The following LCLAT1 variants were observed in gnomAD, a reference collection of about 807,000 sequenced individuals.
LCLAT1 encodes lysocardiolipin acyltransferase 1, also known as 1-AGP acyltransferase 8.
In LCLAT1, 11 loss-of-function variants were observed where a neutral mutation model predicts 30.7. The observed-to-expected ratio is 0.36, with a 90% CI of 0.23 to 0.59. The LOEUF is 0.59. Among genes scored for constraint, LCLAT1 ranks in the 20% least tolerant of loss-of-function variants. The probability of loss-of-function intolerance (pLI) is 0.77; values close to 1 mark genes in which losing one functional copy is unlikely to be tolerated. For synonymous variants in LCLAT1, 155 were observed against 151.3 expected (o/e 1.02, Z -0.18); for missense variants, 402 against 458.6 (o/e 0.88, Z 1.13).
At chr2:30,556,037 G>T (rs1211647559) in intron 3 of LCLAT1, among the ~76,000 whole-genome samples, 1 of 151,636 alleles carries the variant, frequency 6.6e-6, no homozygotes, top group African/African-American at 2.4e-5. Flanking sequence ...CTTGTGATCC[G>T]CCCACCTCGG....
At chr2:30,635,745 C>T (rs1487062211) in intron 5 of LCLAT1, among the ~76,000 whole-genome samples, 1 of 152,172 alleles carries the variant, frequency 6.6e-6, no homozygotes, top group Non-Finnish European at 1.5e-5. Flanking sequence ...ACATCCAAAA[C>T]TTACTATGTG....
chr2:30,579,119 A>T (rs915976885), intron 5 of LCLAT1, among the ~76,000 whole-genome samples: 5 of 152,120 alleles, frequency 3.3e-5, no homozygotes, highest in African/African-American at 7.2e-5. Context: ...CCATTCTTAT[A>T]TGCCTAGATT....
At chr2:30,528,244 G>A (rs1685818668) in intron 2 of LCLAT1, among the ~76,000 whole-genome samples, 1 of 152,182 alleles carries the variant, frequency 6.6e-6, no homozygotes, top group African/African-American at 2.4e-5. Context: ...GCAGCCATGT[G>A]CACAGTTAAA....
At chr2:30,482,678 T>C (rs1295110277) in intron 1 of LCLAT1, among the ~76,000 whole-genome samples, 8 of 151,996 alleles carry the variant, frequency 5.3e-5, no homozygotes, top group Admixed American at 4.6e-4. Context: ...GTCTGCCAAT[T>C]TAGGCCCAGT....
intron 1 of LCLAT1, among the ~76,000 whole-genome samples, chr2:30,510,971 TAA>T (rs1684912254): frequency 6.6e-6 from 1 of 152,206 alleles, no homozygotes; most frequent in Non-Finnish European, 1.5e-5. Context: ...TTGAAAATGT[TAA>T]AGATAGTTTT....
intron 1 of LCLAT1, among the ~76,000 whole-genome samples, chr2:30,478,703 G>A (rs573486313): frequency 6.7e-6 from 1 of 150,122 alleles, no homozygotes; most frequent in Non-Finnish European, 1.5e-5. Flanking sequence ...AGGTAGGTAG[G>A]TAGGTAGGTA....
intron 1 of LCLAT1, among the ~76,000 whole-genome samples, chr2:30,466,214 T>A (rs1166427395): frequency 1.4e-5 from 2 of 145,670 alleles, no homozygotes; most frequent in African/African-American, 5.0e-5. Flanking sequence ...TCCGCTGTTT[T>A]TTCTGTGTTT....
At chr2:30,458,349 A>G (rs943656435) in intron 1 of LCLAT1, among the ~76,000 whole-genome samples, 20 of 152,216 alleles carry the variant, frequency 1.3e-4, no homozygotes, top group African/African-American at 4.6e-4. Context: ...TTTTTGCTTT[A>G]AAACAATTTG....
At chr2:30,474,664 T>A (rs919313403) in intron 1 of LCLAT1, among the ~76,000 whole-genome samples, 11 of 151,800 alleles carry the variant, frequency 7.2e-5, no homozygotes, top group Non-Finnish European at 1.3e-4. Flanking sequence ...TTTTTTTTTT[T>A]TCTAAATAGG....
chr2:30,598,998 GAGAT>G (rs139302197), intron 5 of LCLAT1, among the ~76,000 whole-genome samples: 18,987 of 146,516 alleles, frequency 0.13, 1,322 homozygotes, highest in South Asian at 0.23. Context: ...TTTTTTGTTT[GAGAT>G]AGATAGAGTC....
intron 4 of LCLAT1, among the ~76,000 whole-genome samples, chr2:30,567,039 T>G (rs2148447771): frequency 6.6e-6 from 1 of 152,284 alleles, no homozygotes; most frequent in Middle Eastern, 3.4e-3. Flanking sequence ...AATTATTGGA[T>G]TTTAAAGAAT....
rs2148384484 is a variant in LCLAT1 at position 30,525,735 on chromosome 2, A to G, written c.145A>G (p.Thr49Ala). ...CTGGATCAACAACCGCCTTGTGGCA[A>G]CATGGCTCACCCTACCTGTGGTAAG... The part of the protein sequence containing the change: ...YRWINNRLVA[T>A]WLTLPVALLE... The change falls in exon 2 of 6, where the codon ACA becomes GCA. Residue 49 changes from threonine to alanine, a missense_variant. Transcript: ENST00000379509. The G allele has an allele frequency of 8.1e-6, 13 of 1,614,162 alleles. No homozygotes were observed. The highest frequency in any genetic ancestry group is 1.1e-5 in the Non-Finnish European group (13 of 1,180,024).
chr2:30,585,148 A>G (rs1040886743), intron 5 of LCLAT1, among the ~76,000 whole-genome samples: 9 of 152,064 alleles, frequency 5.9e-5, no homozygotes, highest in Non-Finnish European at 1.0e-4. Flanking sequence ...GCCTTCATTA[A>G]AACATAGCTG....
intron 1 of LCLAT1, among the ~76,000 whole-genome samples, chr2:30,495,283 C>G (rs1236872246): frequency 1.3e-5 from 2 of 152,010 alleles, no homozygotes; most frequent in Non-Finnish European, 2.9e-5. Flanking sequence ...TCAAAATATT[C>G]ATAGAATCAG....
At chr2:30,461,486 C>T (rs1682124395) in intron 1 of LCLAT1, among the ~76,000 whole-genome samples, 1 of 152,058 alleles carries the variant, frequency 6.6e-6, no homozygotes, top group Non-Finnish European at 1.5e-5. Flanking sequence ...GTCTTGAACT[C>T]CTAGGCTGAA....
intron 2 of LCLAT1, among the ~76,000 whole-genome samples, chr2:30,529,171 A>G (rs1685874009): frequency 1.3e-5 from 2 of 152,362 alleles, no homozygotes; most frequent in South Asian, 4.1e-4. Flanking sequence ...CACTTAAACT[A>G]ATTATTGCTT....
At chr2:30,509,866 G>A (rs1161339677) in intron 1 of LCLAT1, among the ~76,000 whole-genome samples, 1 of 152,134 alleles carries the variant, frequency 6.6e-6, no homozygotes, top group Non-Finnish European at 1.5e-5. Context: ...GCCCAACAAA[G>A]CAGAGTGCTA....
intron 1 of LCLAT1, among the ~76,000 whole-genome samples, chr2:30,464,153 A>G (rs1682306711): frequency 6.6e-6 from 1 of 152,180 alleles, no homozygotes; most frequent in South Asian, 2.1e-4. Context: ...ATGAAAAAGT[A>G]ATTGGAAACA....
chr2:30,518,811 C>G (rs944383368), intron 1 of LCLAT1, among the ~76,000 whole-genome samples: 2 of 152,198 alleles, frequency 1.3e-5, no homozygotes, highest in African/African-American at 4.8e-5. Context: ...TCCTTCGAAC[C>G]AACATCTCAA....
Sources: gnomAD v4.1 joint callset for allele counts (sites outside exome capture counted in the v4.1 genomes callset) on GRCh38, gnomAD v4.1.1 for gene constraint, MANE v1.5 for transcripts, NCBI Gene and HGNC (gene_info 2026-07-23, HGNC 2026-07-21) for gene names.